Variants in NALF1 observed in about 807,000 individuals in gnomAD.
NALF1 encodes the protein NALCN channel auxiliary factor 1, also known as family with sequence similarity 155 member A.
Under a neutral mutation model 48.4 loss-of-function variants are expected in NALF1, and 3 were observed. The observed-to-expected ratio is 0.06, with a 90% confidence interval of 0.03 to 0.16. The LOEUF is 0.16. Among genes scored for constraint, NALF1 ranks in the 10% least tolerant of loss-of-function variants. The pLI is 1.00. For synonymous variants in NALF1, 262 were observed against 245.7 expected, an observed-to-expected ratio of 1.07 and a Z score of -0.62; for missense variants, 526 against 571.5, an observed-to-expected ratio of 0.92 and a Z score of 0.81.
chr13:107,664,989 T>C (rs914397446), intron 1 of NALF1, among the ~76,000 whole-genome samples: 6 of 151,808 alleles, frequency 4.0e-5, no homozygotes, highest in Non-Finnish European at 7.4e-5. Flanking sequence ...AAAAAAAATG[T>C]CAAAATTTCC....
At chr13:107,843,709 T>C (rs1413273273) in intron 1 of NALF1, among the ~76,000 whole-genome samples, 4 of 152,094 alleles carry the variant, frequency 2.6e-5, no homozygotes, top group Non-Finnish European at 5.9e-5. Flanking sequence ...GGATGACCTC[T>C]TTACTGCCTT....
chr13:107,493,043 T>A (rs72652719), intron 1 of NALF1, among the ~76,000 whole-genome samples: 1 of 152,148 alleles, frequency 6.6e-6, no homozygotes, highest in South Asian at 2.1e-4. Context: ...ATCTTTAGAA[T>A]TGTTGGAAGT....
At chr13:107,654,978 C>T (rs1291941872) in intron 1 of NALF1, among the ~76,000 whole-genome samples, 1 of 152,058 alleles carries the variant, frequency 6.6e-6, no homozygotes, top group South Asian at 2.1e-4. Context: ...TCAGCCAAAT[C>T]GGTATAGAAG....
intron 1 of NALF1, among the ~76,000 whole-genome samples, chr13:107,776,448 A>G (rs1041287569): frequency 6.6e-6 from 1 of 152,204 alleles, no homozygotes; most frequent in African/African-American, 2.4e-5. Flanking sequence ...TATCATTCTT[A>G]ACGCATAAAG....
intron 1 of NALF1, among the ~76,000 whole-genome samples, chr13:107,309,333 A>T (rs2138901879): frequency 6.6e-6 from 1 of 152,304 alleles, no homozygotes; most frequent in East Asian, 1.9e-4. Context: ...TTTCTCTCTC[A>T]CATTCACTGG....
Position 107,631,287 on chromosome 13 carries a change from G to GCTTGCTATACTGGAGACCTGGGTTGAAA in NALF1, c.915+234394_915+234395insTTTCAACCCAGGTCTCCAGTATAGCAAG, listed in dbSNP as rs1566422521. 2.0e-5 allele frequency among the ~76,000 whole-genome samples: 3 copies of GCTTGCTATACTGGAGACCTGGGTTGAAA among 152,070 alleles called. No homozygotes were observed. The East Asian group carries it at 5.8e-4, about 30-fold the overall frequency. ...TGCTATACTGGAGACCTGGGTTGAA[G>GCTTGCTATACTGGAGACCTGGGTTGAAA]ACCTGCTTGCTATACTGGAGACCTT... On this transcript the variant is annotated intron_variant, in intron 1 of 2. Coordinates refer to ENST00000375915, the MANE Select transcript of NALF1 (RefSeq NM_001080396.3).
At chr13:107,283,800 C>G (rs1881436751) in intron 1 of NALF1, among the ~76,000 whole-genome samples, 1 of 151,798 alleles carries the variant, frequency 6.6e-6, no homozygotes, top group South Asian at 2.1e-4. Context: ...GCTCGGACTA[C>G]AGGCGCCCGC....
At chr13:107,746,683 C>CTTTTCA (rs1259333781) in intron 1 of NALF1, among the ~76,000 whole-genome samples, 13 of 152,134 alleles carry the variant, frequency 8.5e-5, no homozygotes, top group Non-Finnish European at 1.5e-4. Flanking sequence ...TCAATGTTAA[C>CTTTTCA]AGGAAAGGAA....
chr13:107,192,575 A>T (rs1879305778), intron 2 of NALF1, among the ~76,000 whole-genome samples: 2 of 152,216 alleles, frequency 1.3e-5, no homozygotes, highest in African/African-American at 4.8e-5. Context: ...CTAGCTAGCT[A>T]ACTTCCTCAC....
At chr13:107,569,349 G>A (rs2138400120) in intron 1 of NALF1, among the ~76,000 whole-genome samples, 1 of 152,210 alleles carries the variant, frequency 6.6e-6, no homozygotes, top group South Asian at 2.1e-4. Flanking sequence ...GTGGGTGCTT[G>A]TAGTCCCAGC....
intron 1 of NALF1, among the ~76,000 whole-genome samples, chr13:107,820,331 C>T (rs939197725): frequency 1.3e-5 from 2 of 152,114 alleles, no homozygotes; most frequent in Non-Finnish European, 2.9e-5. Context: ...CGTTGCTAAC[C>T]ATATATTTTC....
chr13:107,493,568 C>A (rs117000836), intron 1 of NALF1, among the ~76,000 whole-genome samples: 1,957 of 152,118 alleles, frequency 0.013, 23 homozygotes, highest in South Asian at 0.036. Context: ...GGGGTTGGAA[C>A]AAATTGCCAG....
intron 1 of NALF1, among the ~76,000 whole-genome samples, chr13:107,567,381 G>T (rs922378314): frequency 1.3e-5 from 2 of 152,112 alleles, no homozygotes; most frequent in Non-Finnish European, 2.9e-5. Context: ...AGACTTACTA[G>T]GACCTCAAGT....
intron 1 of NALF1, among the ~76,000 whole-genome samples, chr13:107,437,093 C>A: frequency 6.6e-6 from 1 of 152,158 alleles, no homozygotes; most frequent in East Asian, 1.9e-4. Flanking sequence ...TTCAAGCAGA[C>A]ACCTCACTAA....
intron 1 of NALF1, among the ~76,000 whole-genome samples, chr13:107,808,693 TTAGA>T (rs147329716): frequency 0.055 from 8,339 of 151,838 alleles, 782 homozygotes; most frequent in African/African-American, 0.19. Context: ...AAATGACTGC[TTAGA>T]TAGATTAGGA....
intron 2 of NALF1, among the ~76,000 whole-genome samples, chr13:107,178,957 A>AC (rs760423144): frequency 0.039 from 5,855 of 150,158 alleles, 141 homozygotes; most frequent in Middle Eastern, 0.055. Flanking sequence ...AAAACAAACA[A>AC]AAAAAAAAAA....
At chr13:107,385,574 A>C (rs183783486) in intron 1 of NALF1, among the ~76,000 whole-genome samples, 390 of 149,304 alleles carry the variant, frequency 2.6e-3, no homozygotes, top group Non-Finnish European at 4.3e-3. Flanking sequence ...AAAAAAAAAA[A>C]AAACAAAGAA....
chr13:107,839,241 A>G (rs994769375), intron 1 of NALF1, among the ~76,000 whole-genome samples: 2 of 151,546 alleles, frequency 1.3e-5, no homozygotes, highest in Admixed American at 6.6e-5. Context: ...TATTCCAGTC[A>G]CACCATGTAA....
At chr13:107,385,456 G>A (rs1169169111) in intron 1 of NALF1, among the ~76,000 whole-genome samples, 1 of 151,434 alleles carries the variant, frequency 6.6e-6, no homozygotes, top group Admixed American at 6.6e-5. Context: ...AGGAGGCTGG[G>A]GCAGGAGAAT....
Sources: gnomAD v4.1 joint callset for allele counts (sites outside exome capture counted in the v4.1 genomes callset) on GRCh38, gnomAD v4.1.1 for gene constraint, MANE v1.5 for transcripts, NCBI Gene and HGNC (gene_info 2026-07-23, HGNC 2026-07-21) for gene names.